PUM3: variants seen among roughly 807,000 people sequenced by gnomAD.
The protein encoded by PUM3 is pumilio RNA binding family member 3, also known as pumilio homolog 3.
In PUM3, 91 loss-of-function variants were observed where a neutral mutation model predicts 84.0. The observed-to-expected ratio is 1.08, with a 90% CI of 0.91 to 1.29. The LOEUF is 1.29. PUM3 is among the 50% of genes most tolerant of loss of function. The pLI is 0.00. For synonymous variants in PUM3, 321 were observed against 266.7 expected (o/e 1.20, Z -1.98); for missense variants, 1,067 against 767.5 (o/e 1.39, Z -4.61).
intron 12 of PUM3, among the ~76,000 whole-genome samples, chr9:2,821,443 C>CCAAAAAAAAAA (rs1815621605): frequency 2.0e-5 from 1 of 50,130 alleles, no homozygotes; most frequent in Non-Finnish European, 3.7e-5. Flanking sequence ...GACTCTGTCT[C>CCAAAAAAAAAA]AAAAAAAAAA....
intron 17 of PUM3, among the ~76,000 whole-genome samples, chr9:2,806,991 G>A (rs926654165): frequency 2.0e-5 from 3 of 151,006 alleles, no homozygotes; most frequent in African/African-American, 7.3e-5. Context: ...GGCAGATCAC[G>A]AGGTCAGGAG....
At chr9:2,837,911 T>G (rs952419435) in intron 2 of PUM3, among the ~76,000 whole-genome samples, 2 of 152,184 alleles carry the variant, frequency 1.3e-5, no homozygotes, top group Non-Finnish European at 2.9e-5. Context: ...ATTAAAATTA[T>G]TTATCAAAAA....
intron 9 of PUM3, among the ~76,000 whole-genome samples, chr9:2,827,640 C>A (rs1428371557): frequency 6.6e-6 from 1 of 152,196 alleles, no homozygotes; most frequent in African/African-American, 2.4e-5. Flanking sequence ...TCCAAACCCC[C>A]TAGTGTGACA....
At position 2,812,228 on chromosome 9, in the gene PUM3, A is replaced by G; in HGVS notation, c.1404T>C (p.Asn468=). Reference sequence around the variant, plus strand: ...ATTCTACTTGGTTTTACCTGTGTGCATTTCCATCTCCTTTTTGCAGAACTT... The same window carrying G: ...ATTCTACTTGGTTTTACCTGTGTGCGTTTCCATCTCCTTTTTGCAGAACTT... ...IIEVLQKGDG[N]AHSKKDTEVR... Residue 468 remains asparagine (N), a synonymous_variant, in exon 14 of 18, where the codon AAT becomes AAC. Coordinates refer to ENST00000397885, the MANE Select transcript of PUM3 (RefSeq NM_014878.5). 4 of 1,613,762 alleles carry G rather than the reference A, an allele frequency of 2.5e-6. No homozygotes were observed. The highest frequency in any genetic ancestry group is 3.4e-6 in the Non-Finnish European group (4 of 1,179,772).
At chr9:2,824,371 A>G (rs1385956696) in intron 11 of PUM3, among the ~76,000 whole-genome samples, 1 of 152,156 alleles carries the variant, frequency 6.6e-6, no homozygotes, top group Non-Finnish European at 1.5e-5. Flanking sequence ...GCTGTTTGTT[A>G]TCTCTTCCCA....
intron 3 of PUM3, among the ~76,000 whole-genome samples, chr9:2,835,739 A>G (rs1185584086): frequency 6.6e-6 from 1 of 152,144 alleles, no homozygotes; most frequent in Non-Finnish European, 1.5e-5. Context: ...CAGTACATTT[A>G]TCAGTGTGGG....
intron 16 of PUM3, 24 bp downstream of exon 16, chr9:2,810,319 GA>G (rs772077797): frequency 6.8e-7 from 1 of 1,475,518 alleles, no homozygotes; most frequent in Non-Finnish European, 9.5e-7. Context: ...TGAGATACAA[GA>G]AAAGGTCAAA....
At chr9:2,842,562 G>A (rs76800156) in intron 1 of PUM3, among the ~76,000 whole-genome samples, 3,995 of 152,132 alleles carry the variant, frequency 0.026, 195 homozygotes, top group African/African-American at 0.091. Context: ...TTTTCTTATA[G>A]ACCAACCTCT....
In PUM3 at chr9:2,820,020, A is replaced by G; in HGVS notation, c.1267T>C (p.Ser423Pro). 2 of 1,600,154 alleles carry G rather than the reference A, an allele frequency of 1.2e-6. No individual in the cohort carries two copies. The highest frequency in any genetic ancestry group is 1.1e-5 in the South Asian group (1 of 90,556). ...DTKLVKQIII[S>P]EIISSLPSIV... ...TCAAGACCATCAGGATTACTTACTG[A>G]TATGATTATCTGCTTCACAAGCTTA... Residue 423 changes from serine to proline, a missense_variant and splice_region_variant, in exon 13 of 18, where the codon TCA (serine) becomes CCA (proline). Coordinates refer to ENST00000397885, the MANE Select transcript of PUM3 (RefSeq NM_014878.5).
In PUM3 at chr9:2,837,387, T is replaced by C. The variant is rs1425039882; in HGVS notation, c.97A>G (p.Lys33Glu). 1 of 1,609,608 alleles carries C rather than the reference T, an allele frequency of 6.2e-7. No homozygotes were observed. Among genetic ancestry groups the C allele is most frequent in the Non-Finnish European group, 8.5e-7 (1 of 1,176,432 alleles). Reference sequence around the variant, plus strand: ...GCAACTTTCCTTGTTGGAAATGTCTTTGAAGAACCAGAATCTAGTGACAAT... The same window carrying C: ...GCAACTTTCCTTGTTGGAAATGTCTCTGAAGAACCAGAATCTAGTGACAAT... ...FHKNSDSGSS[K>E]TFPTRKVAKE... is the part of the protein sequence containing the mutation. Residue 33 changes from lysine to glutamate, a missense_variant, in exon 3 of 18, where the codon AAG becomes GAG. By Grantham distance (56) the Lys-to-Glu change is moderately conservative. Coordinates refer to ENST00000397885, the MANE Select transcript of PUM3 (RefSeq NM_014878.5).
rs1296317922 is a variant in PUM3 at position 2,837,185 on chromosome 9, C to T, written c.299G>A (p.Ser100Asn). 2 of 1,613,932 alleles carry T rather than the reference C, an allele frequency of 1.2e-6. No homozygotes were observed. Among genetic ancestry groups the T allele is most frequent in the Admixed American group, 1.7e-5 (1 of 60,030 alleles). ...ATGAACGAACCAGTACTTACCATCG[C>T]TTCTACCATCTGGCTGGAATTTTCT... ...KKRKFQPDGR[S>N]DESAAKKPKW... is the part of the protein sequence containing the mutation. Residue 100 changes from serine (S) to asparagine (N), a missense_variant, in exon 3 of 18, where the codon AGC (serine) becomes AAC (asparagine). Ser to Asn is a conservative substitution (Grantham distance 46). Transcript: ENST00000397885.
At chr9:2,836,110 T>TAATGGGAAAC (rs1242154199) in intron 3 of PUM3, among the ~76,000 whole-genome samples, 2 of 152,122 alleles carry the variant, frequency 1.3e-5, no homozygotes, top group Non-Finnish European at 2.9e-5. Context: ...CCTGGAGCCC[T>TAATGGGAAAC]AATGGGAAAC....
chr9:2,831,697 T>A (rs1345217199), intron 5 of PUM3, among the ~76,000 whole-genome samples: 2 of 152,182 alleles, frequency 1.3e-5, no homozygotes, highest in Admixed American at 1.3e-4. Flanking sequence ...AAGGGAAATA[T>A]TTCTGTTTAA....
At chr9:2,828,199 G>T (rs1463873180) in intron 9 of PUM3, among the ~76,000 whole-genome samples, 5 of 152,056 alleles carry the variant, frequency 3.3e-5, no homozygotes, top group Non-Finnish European at 7.4e-5. Flanking sequence ...ATGCCATAAA[G>T]CCTGGCTAAT....
intron 13 of PUM3, among the ~76,000 whole-genome samples, chr9:2,819,474 T>G (rs1324249430): frequency 2.0e-5 from 3 of 152,330 alleles, no homozygotes. Context: ...AATCTGACCC[T>G]ACAAAAGCTC....
intron 12 of PUM3, among the ~76,000 whole-genome samples, chr9:2,821,274 C>G (rs772526773): frequency 6.6e-6 from 1 of 151,740 alleles, no homozygotes; most frequent in Non-Finnish European, 1.5e-5. Context: ...GAAACCCCAT[C>G]TCTACTACTA....
Position 2,837,236 on chromosome 9 carries a change from TG to T in PUM3, c.247del (p.Gln83SerfsTer38). 6.2e-7 allele frequency: 1 copy of T among 1,614,162 alleles called. No individual in the cohort carries two copies. Among genetic ancestry groups the T allele is most frequent in the Non-Finnish European group, 8.5e-7 (1 of 1,179,988 alleles). On this transcript the variant is annotated frameshift_variant, in exon 3 of 18. Coordinates refer to ENST00000397885, the MANE Select transcript of PUM3 (RefSeq NM_014878.5). LOFTEE classifies it high-confidence loss of function. ...QGDKSPKNKF[Q>X]PANKFNKKRK... ...CTTCTTGTTGAATTTATTTGCCGGC[TG>T]GAATTTGTTCTTTGGTGATTTGTCC...
At chr9:2,839,916 C>T (rs183549864) in intron 1 of PUM3, among the ~76,000 whole-genome samples, 1 of 152,282 alleles carries the variant, frequency 6.6e-6, no homozygotes, top group East Asian at 1.9e-4. Flanking sequence ...CCCCAGCTTC[C>T]CCTAATGTTA....
At chr9:2,818,514 T>C (rs1428524710) in intron 13 of PUM3, among the ~76,000 whole-genome samples, 1 of 152,236 alleles carries the variant, frequency 6.6e-6, no homozygotes, top group Non-Finnish European at 1.5e-5. Context: ...GTCGTGAAAA[T>C]ATTAAACAAA....
Sources: allele counts gnomAD v4.1 joint callset (sites outside exome capture counted in the v4.1 genomes callset), GRCh38; gene constraint gnomAD v4.1.1; transcripts MANE v1.5; gene names NCBI Gene and HGNC (gene_info 2026-07-23, HGNC 2026-07-21).